ABI1: variants seen among roughly 807,000 people sequenced by gnomAD.
ABI1 encodes abl interactor 1, also known as Abelson interactor 1.
Under a neutral mutation model 54.6 loss-of-function variants are expected in ABI1, and 14 were observed. The observed-to-expected ratio is 0.26, with a 90% CI of 0.17 to 0.40. The LOEUF (loss-of-function observed/expected upper bound fraction) is 0.40. Ranked by LOEUF, ABI1 falls within the 10% of genes least tolerant of loss-of-function variation. The pLI, the probability that ABI1 is intolerant of heterozygous loss-of-function variation, is 1.00. For missense variants in ABI1, 443 were observed against 598.3 expected (o/e 0.74, Z 2.71); for synonymous variants, 194 against 209.3 (o/e 0.93, Z 0.63).
At chr10:26,756,735 G>A (rs555436316) in intron 8 of ABI1, among the ~76,000 whole-genome samples, 1 of 152,220 alleles carries the variant, frequency 6.6e-6, no homozygotes, top group Admixed American at 6.5e-5. Context: ...GGACTAGATA[G>A]CAAAATTTAG....
chr10:26,766,244 C>A (rs964687831), intron 6 of ABI1, among the ~76,000 whole-genome samples: 1 of 152,166 alleles, frequency 6.6e-6, no homozygotes. Context: ...TAACCAACTC[C>A]TCGCTATTCT....
chr10:26,829,181 G>A (rs544846633), intron 1 of ABI1, among the ~76,000 whole-genome samples: 2 of 150,734 alleles, frequency 1.3e-5, no homozygotes, highest in East Asian at 2.0e-4. Context: ...AGCCCAGATC[G>A]CGCCACTGCA....
In ABI1 at chr10:26,755,758, A is replaced by T. The variant is rs758078808; in HGVS notation, c.998-17T>A. The stretch of plus-strand genomic sequence containing the variant: ...CAATAGAAACTGGTAGCAACAACAC[A>T]GTATGGGGGAAGTAAAACAGATAAA... On this transcript the variant is annotated splice_polypyrimidine_tract_variant and intron_variant, in intron 8 of 10. Coordinates refer to ENST00000376140, the MANE Select transcript of ABI1 (RefSeq NM_001012750.3). 1.3e-6 allele frequency: 2 copies of T among 1,543,846 alleles called. No homozygotes were observed. The highest frequency in any genetic ancestry group is 1.8e-6 in the Non-Finnish European group (2 of 1,123,926).
intron 2 of ABI1, among the ~76,000 whole-genome samples, chr10:26,817,465 C>A (rs1426342988): frequency 6.6e-6 from 1 of 152,106 alleles, no homozygotes; most frequent in African/African-American, 2.4e-5. Flanking sequence ...AAAAAGGCAA[C>A]AGGATACCAC....
At chr10:26,768,312 G>A (rs1261057878) in intron 6 of ABI1, among the ~76,000 whole-genome samples, 4 of 151,868 alleles carry the variant, frequency 2.6e-5, no homozygotes, top group South Asian at 2.1e-4. Flanking sequence ...TTGGGAGGCC[G>A]AGGCAGGAGG....
At chr10:26,821,243 T>TAAAAAAA (rs34139312) in intron 2 of ABI1, among the ~76,000 whole-genome samples, 1 of 114,910 alleles carries the variant, frequency 8.7e-6, no homozygotes, top group Non-Finnish European at 1.7e-5. Context: ...AGACTCCATC[T>TAAAAAAA]AAAAAAAAAA....
chr10:26,759,263 C>A, intron 7 of ABI1, 25 bp from the exon 8 acceptor site: 1 of 1,607,962 alleles, frequency 6.2e-7, no homozygotes, highest in Non-Finnish European at 8.5e-7. Flanking sequence ...TCAAAGGCAA[C>A]CAACAAAGAG....
chr10:26,794,971 C>T (rs1450303631), intron 2 of ABI1, among the ~76,000 whole-genome samples: 2 of 151,778 alleles, frequency 1.3e-5, no homozygotes, highest in African/African-American at 4.8e-5. Flanking sequence ...TGGCGAAATC[C>T]TGCCTCCACT....
chr10:26,838,993 C>T (rs552525826), intron 1 of ABI1, among the ~76,000 whole-genome samples: 3 of 152,182 alleles, frequency 2.0e-5, no homozygotes, highest in South Asian at 2.1e-4. Context: ...CTCTGCATAC[C>T]GCATGAATTT....
intron 1 of ABI1, among the ~76,000 whole-genome samples, chr10:26,856,209 G>A (rs138590191): frequency 0.015 from 2,181 of 142,996 alleles, 52 homozygotes; most frequent in African/African-American, 0.053. Context: ...TTGCTTGGAG[G>A]TTGCAGCGAG....
At chr10:26,857,320 C>CAAAAAA (rs71403897) in intron 1 of ABI1, among the ~76,000 whole-genome samples, 4 of 75,958 alleles carry the variant, frequency 5.3e-5, no homozygotes, top group South Asian at 3.3e-4. Context: ...GACTCCATCT[C>CAAAAAA]AAAAAAAAAA....
At chr10:26,764,252 C>T (rs1588788949) in intron 7 of ABI1, among the ~76,000 whole-genome samples, 5 of 152,060 alleles carry the variant, frequency 3.3e-5, no homozygotes, top group Admixed American at 6.5e-5. Flanking sequence ...TAAAAATATA[C>T]ATTTTTAACA....
rs2050845419 is a variant in ABI1 at position 26,856,666 on chromosome 10, C to T, written c.117+4081G>A. Among the ~76,000 whole-genome samples, 3 of 152,272 alleles carry T rather than the reference C, an allele frequency of 2.0e-5. No individual in the cohort carries two copies. The South Asian group carries it at 6.2e-4, about 32-fold the overall frequency. ...ATGATATCCCCTTCATACTCCTAGG[C>T]TTTAGAACATACTTGTTAACCCAAA... On this transcript the variant is annotated intron_variant, in intron 1 of 10. Transcript: ENST00000376140.
At chr10:26,837,924 AAGCATTTTCACATAGT>A (rs2049208176) in intron 1 of ABI1, among the ~76,000 whole-genome samples, 1 of 151,938 alleles carries the variant, frequency 6.6e-6, no homozygotes, top group Admixed American at 6.6e-5. Context: ...TTAGTTTTCA[AAGCATTTTCACATAGT>A]AACCTAAGCA....
intron 1 of ABI1, among the ~76,000 whole-genome samples, chr10:26,828,085 G>T (rs975240259): frequency 1.3e-5 from 2 of 152,144 alleles, no homozygotes; most frequent in African/African-American, 4.8e-5. Flanking sequence ...TGAGAAACAC[G>T]CAATTCTTTC....
At chr10:26,857,543 C>G (rs1368272215) in intron 1 of ABI1, among the ~76,000 whole-genome samples, 1 of 149,110 alleles carries the variant, frequency 6.7e-6, no homozygotes, top group Non-Finnish European at 1.5e-5. Context: ...CCTGGGGGGG[C>G]TGAGGTGGGA....
Position 26,823,226 on chromosome 10 carries a change from T to A in ABI1, c.197A>T (p.Asn66Ile). ...CTGGAGTACATTGTTGGCCAATGCA[T>A]TTATTTGATAAGCAACACTAGCTAG... is the stretch of plus-strand genomic sequence containing the variant. ...QSLASVAYQI[N>I]ALANNVLQLL... Residue 66 changes from asparagine (N) to isoleucine (I), a missense_variant, in exon 2 of 11, where the codon AAT (asparagine) becomes ATT (isoleucine). Around this residue, in one of 2 missense-constraint regions of ABI1, gnomAD observed 394 missense variants for 484.8 expected, o/e 0.81. Transcript: ENST00000376140. 6.2e-7 allele frequency: 1 copy of A among 1,606,586 alleles called. No homozygotes were observed. Among genetic ancestry groups the A allele is most frequent in the Non-Finnish European group, 8.5e-7 (1 of 1,177,700 alleles).
At chr10:26,852,611 C>T (rs2050488841) in intron 1 of ABI1, among the ~76,000 whole-genome samples, 1 of 152,006 alleles carries the variant, frequency 6.6e-6, no homozygotes, top group Non-Finnish European at 1.5e-5. Flanking sequence ...GCATTAATTT[C>T]CCATGGGTTC....
intron 1 of ABI1, among the ~76,000 whole-genome samples, chr10:26,848,605 C>CTTTTTTTTTT (rs35694402): frequency 9.3e-6 from 1 of 107,386 alleles, no homozygotes; most frequent in Non-Finnish European, 1.8e-5. Flanking sequence ...TAAGAAGAGG[C>CTTTTTTTTTT]TTTTTTTTTT....
Sources: allele counts gnomAD v4.1 joint callset (sites outside exome capture counted in the v4.1 genomes callset), GRCh38; gene constraint gnomAD v4.1.1; regional missense constraint gnomAD v4.1.1; transcripts MANE v1.5; gene names NCBI Gene and HGNC (gene_info 2026-07-23, HGNC 2026-07-21).